The following XAB2 variants were observed in gnomAD, a reference collection of about 807,000 sequenced individuals.
The protein encoded by XAB2 is pre-mRNA-splicing factor SYF1.
Under a neutral mutation model 113.4 loss-of-function variants are expected in XAB2, and 57 were observed. The observed-to-expected ratio is 0.50, with a 90% confidence interval of 0.41 to 0.63. The LOEUF (loss-of-function observed/expected upper bound fraction) is 0.63. Ranked by LOEUF, XAB2 falls within the 20% of genes least tolerant of loss-of-function variation. XAB2 has a pLI of 0.00. For missense variants in XAB2, 1,037 were observed against 1,233.3 expected (o/e 0.84, Z 2.38); for synonymous variants, 497 against 498.8 (o/e 1.00, Z 0.05).
Position 7,629,514 on chromosome 19 carries a change from G to T in XAB2, c.14C>A (p.Ala5Glu), listed in dbSNP as rs781412220. 6.2e-7 allele frequency: 1 copy of T among 1,605,188 alleles called. No individual in the cohort carries two copies. Among genetic ancestry groups the T allele is most frequent in the Admixed American group, 1.7e-5 (1 of 58,956 alleles). The change falls in exon 1 of 19, where the codon GCG becomes GAG. Residue 5 changes from alanine (A) to glutamate (E), a missense_variant. Transcript: ENST00000358368. ...CGGCCGCTCGGGCCGCGAGAGTCGC[G>T]CCATCACCACCATTTTTCTGGATGC... MVVM[A>E]RLSRPERPDL...
At position 7,628,606 on chromosome 19, in the gene XAB2, A is replaced by G. The variant is rs1425811770; in HGVS notation, c.52-308T>C. ...CACTCGCTTTCTGCCCCAGATGGTC[A>G]GACTCCTTAGATACCAAGGCCCTGG... On this transcript the variant is annotated intron_variant, in intron 1 of 18. Transcript: ENST00000358368. This position sits in a 1 kb window ranked among gnomAD's most constrained non-coding sequence, Gnocchi z 4.6. Among the ~76,000 whole-genome samples the G allele has an allele frequency of 6.6e-6, 1 of 152,092 alleles. No individual in the cohort carries two copies. The highest frequency in any genetic ancestry group is 1.5e-5 in the Non-Finnish European group (1 of 68,028).
At chr19:7,619,901 T>C (rs758439039) in intron 17 of XAB2, 45 bp from the exon 18 acceptor site, 5 of 1,609,522 alleles carry the variant, frequency 3.1e-6, no homozygotes, top group East Asian at 2.2e-5. Flanking sequence ...CCGGGCCCCC[T>C]TGGGACCTGT....
In XAB2 at chr19:7,627,628, C is replaced by T. The variant is rs1438353186; in HGVS notation, c.324+100G>A. On this transcript the variant is annotated intron_variant, in intron 3 of 18. Transcript: ENST00000358368. This position sits in a 1 kb window ranked among gnomAD's most constrained non-coding sequence, Gnocchi z 4.5. ...GCAAAGAAGCAACAGGAATCCAAGC[C>T]CCCATCCCTAACATGCTGAGCCCAG... 2 of 1,563,752 alleles carry T rather than the reference C, an allele frequency of 1.3e-6. No homozygotes were observed. Among genetic ancestry groups the T allele is most frequent in the Admixed American group, 3.5e-5 (2 of 57,204 alleles).
In XAB2 at chr19:7,628,439, T is replaced by G; in HGVS notation, c.52-141A>C. On this transcript the variant is annotated intron_variant, in intron 1 of 18. Transcript: ENST00000358368. The surrounding 1 kb of genome is among the most constrained non-coding windows in gnomAD (Gnocchi z 4.6). ...CCACCAAGGAAGTCAGGTCACCAGA[T>G]GCCCAGGCACCAAACCAGATGCCCG... The G allele has an allele frequency of 9.8e-7, 1 of 1,017,276 alleles. No homozygotes were observed. Among genetic ancestry groups the G allele is most frequent in the Non-Finnish European group, 1.4e-6 (1 of 699,626 alleles). 63.0% of individuals were successfully genotyped at this position (1,017,276 alleles called of 1,614,324 possible).
Position 7,624,502 on chromosome 19 carries a change from AGCACTC to A in XAB2, c.823-63_823-58del. On this transcript the variant is annotated intron_variant, in intron 6 of 18. Coordinates refer to ENST00000358368, the MANE Select transcript of XAB2 (RefSeq NM_020196.3). The surrounding 1 kb of genome is among the most constrained non-coding windows in gnomAD (Gnocchi z 4.2). ...GAAAGTGGCGCAGGGGACAGGCAGCAGCACTCTTAGCACCAGCCTCAATGTGGAACC... is the reference window on the plus strand; with the variant it reads ...GAAAGTGGCGCAGGGGACAGGCAGCATTAGCACCAGCCTCAATGTGGAACC... 1.2e-6 allele frequency: 2 copies of A among 1,608,614 alleles called. No individual in the cohort carries two copies. Among genetic ancestry groups the A allele is most frequent in the Non-Finnish European group, 1.7e-6 (2 of 1,178,966 alleles).
chr19:7,620,678 C>G lies in XAB2; in HGVS notation c.1972-9G>C, dbSNP rs376277782. The G allele has an allele frequency of 4.3e-6, 7 of 1,612,202 alleles. No homozygotes were observed. Among genetic ancestry groups the G allele is most frequent in the East Asian group, 2.2e-5 (1 of 44,862 alleles). ...TGCTCGTCCGACAGCACCTGGACACCGGGGTTGGGGAGGCCGGGAGTGAGG... is the reference window on the plus strand; with the variant it reads ...TGCTCGTCCGACAGCACCTGGACACGGGGGTTGGGGAGGCCGGGAGTGAGG... On this transcript the variant is annotated splice_polypyrimidine_tract_variant and intron_variant, in intron 14 of 18. Transcript: ENST00000358368.
At position 7,627,710 on chromosome 19, in the gene XAB2, C is replaced by A. The variant is rs984130345; in HGVS notation, c.324+18G>T. 19 of 1,613,238 alleles carry A rather than the reference C, an allele frequency of 1.2e-5. No individual in the cohort carries two copies. The highest frequency in any genetic ancestry group is 1.4e-5 in the Non-Finnish European group (16 of 1,179,592). The stretch of plus-strand genomic sequence containing the variant: ...CTGAGCTCCACTTCCCGATTCATCC[C>A]CTCGCCGAGCCCCAAACCTTGTGCA... On this transcript the variant is annotated intron_variant, in intron 3 of 18. Transcript: ENST00000358368. This position sits in a 1 kb window ranked among gnomAD's most constrained non-coding sequence, Gnocchi z 4.5.
In XAB2 at chr19:7,627,791, C is replaced by A. The variant is rs774111138; in HGVS notation, c.261G>T (p.Val87=). The stretch of plus-strand genomic sequence containing the variant: ...TGACATCTTCATAGGCAGGGTCGGT[C>A]ACACAGCGATGCTTCACCTGTGCCC... ...ARRAQVKHRC[V]TDPAYEDVNN... The change falls in exon 3 of 19, where the codon GTG becomes GTT. Residue 87 remains valine (V), a synonymous_variant. Coordinates refer to ENST00000358368, the MANE Select transcript of XAB2 (RefSeq NM_020196.3). The surrounding 1 kb of genome is among the most constrained non-coding windows in gnomAD (Gnocchi z 4.5). 1 of 1,613,920 alleles carries A rather than the reference C, an allele frequency of 6.2e-7. No homozygotes were observed. The highest frequency in any genetic ancestry group is 1.1e-5 in the South Asian group (1 of 91,056).
In XAB2 at chr19:7,622,486, G is replaced by C. The variant is rs2031054510; in HGVS notation, c.1504-42C>G. On this transcript the variant is annotated intron_variant, in intron 11 of 18. Transcript: ENST00000358368. ...GGGAAAGGTTGGAGCTGGTTCTGGA[G>C]CTGAGTCCGGGGCCCCGTCCCTCCC... 5 of 1,613,850 alleles carry C rather than the reference G, an allele frequency of 3.1e-6. No individual in the cohort carries two copies. In the East Asian group the frequency reaches 1.1e-4, roughly 36 times the overall value.
At position 7,625,268 on chromosome 19, in the gene XAB2, T is replaced by C. The variant is rs112941769; in HGVS notation, c.822+612A>G. Among the ~76,000 whole-genome samples, 3 of 152,150 alleles carry C rather than the reference T, an allele frequency of 2.0e-5. No homozygotes were observed. Among genetic ancestry groups the C allele is most frequent in the African/African-American group, 7.2e-5 (3 of 41,442 alleles). On this transcript the variant is annotated intron_variant, in intron 6 of 18. Transcript: ENST00000358368. The surrounding 1 kb of genome is among the most constrained non-coding windows in gnomAD (Gnocchi z 5.2). ...TGCTGTGCCTGCGTCACTGAGCTGATTGGTGACAGGCAGTAACTGTCACCC... is the reference window on the plus strand; with the variant it reads ...TGCTGTGCCTGCGTCACTGAGCTGACTGGTGACAGGCAGTAACTGTCACCC...
intron 10 of XAB2, 25 bp downstream of exon 10, chr19:7,622,737 C>G: frequency 6.2e-7 from 1 of 1,613,522 alleles, no homozygotes; most frequent in Non-Finnish European, 8.5e-7. Flanking sequence ...GCAGCCCCCA[C>G]CCCACAGCCT....
Position 7,619,878 on chromosome 19 carries a change from T to TCAGTTCCCCA in XAB2, c.2397-32_2397-23dup, listed in dbSNP as rs765810383. 29 of 1,610,686 alleles carry TCAGTTCCCCA rather than the reference T, an allele frequency of 1.8e-5. No homozygotes were observed. In the South Asian group the frequency reaches 3.2e-4, roughly 18 times the overall value. Reference sequence around the variant, plus strand: ...ACTCCTAGGGACGGGCCATGCTGCCTCAGTTCCCCACCCCGGGCCCCCTTG... The same window carrying TCAGTTCCCCA: ...ACTCCTAGGGACGGGCCATGCTGCCTCAGTTCCCCACAGTTCCCCACCCCGGGCCCCCTTG... On this transcript the variant is annotated intron_variant, in intron 17 of 18. Transcript: ENST00000358368.
Position 7,627,922 on chromosome 19 carries a change from C to A in XAB2, c.201-71G>T, listed in dbSNP as rs1319643437. The A allele has an allele frequency of 3.2e-6, 5 of 1,570,422 alleles. No individual in the cohort carries two copies. The East Asian group carries it at 9.0e-5, about 28-fold the overall frequency. ...CACCCCCAGAACCATTTGCCCTGCC[C>A]CAGTTGGCAAATGTGGGAAGAAGGG... On this transcript the variant is annotated intron_variant, in intron 2 of 18. Coordinates refer to ENST00000358368, the MANE Select transcript of XAB2 (RefSeq NM_020196.3). This position sits in a 1 kb window ranked among gnomAD's most constrained non-coding sequence, Gnocchi z 4.5.
At chr19:7,621,367 G>T in intron 12 of XAB2, 70 bp from the exon 13 acceptor site, 2 of 1,574,530 alleles carry the variant, frequency 1.3e-6, no homozygotes, top group Non-Finnish European at 1.7e-6. Flanking sequence ...GGATGTCCTT[G>T]GGTGGCGTCT....
chr19:7,622,783 A>G lies in XAB2; in HGVS notation c.1350T>C (p.Asp450=). Residue 450 remains aspartate, a synonymous_variant, in exon 10 of 19, where the codon GAT becomes GAC. Coordinates refer to ENST00000358368, the MANE Select transcript of XAB2 (RefSeq NM_020196.3). ...GELELRHENY[D]EALRLLRKAT... ...TCACTCGCAGCAGCCGCAAGGCCTC[A>G]TCGTAGTTCTCGTGTCGGAGCTCCA... The G allele has an allele frequency of 1.9e-6, 3 of 1,614,106 alleles. No individual in the cohort carries two copies. The highest frequency in any genetic ancestry group is 2.5e-6 in the Non-Finnish European group (3 of 1,180,032).
rs4134853 is a variant in XAB2, at chr19:7,622,542, G to A, written c.1491C>T (p.Leu497=). The part of the protein sequence containing the change: ...WSMLADLEES[L]GTFQSTKAVY... ...ACAGGCAGCTCACCTGGAAGGTGCC[G>A]AGGCTCTCCTCCAGGTCGGCGAGCA... The change falls in exon 11 of 19, where the codon CTC becomes CTT. Residue 497 remains leucine (L), a synonymous_variant. Coordinates refer to ENST00000358368, the MANE Select transcript of XAB2 (RefSeq NM_020196.3). 0.011 allele frequency: 18,288 copies of A among 1,613,734 alleles called. 916 individuals are homozygous for A. The Admixed American group carries it at 0.15, about 13-fold the overall frequency.
chr19:7,623,360 C>T lies in XAB2; in HGVS notation c.1120-71G>A. 6.3e-7 allele frequency: 1 copy of T among 1,585,432 alleles called. No homozygotes were observed. Among genetic ancestry groups the T allele is most frequent in the Admixed American group, 1.7e-5 (1 of 59,236 alleles). Reference sequence around the variant, plus strand: ...GATGACGGTCGGGGCAGAGCTGTGGCTCTGAGGGGTGGGGCCTGGAGGGTG... The same window carrying T: ...GATGACGGTCGGGGCAGAGCTGTGGTTCTGAGGGGTGGGGCCTGGAGGGTG... On this transcript the variant is annotated intron_variant, in intron 8 of 18. Coordinates refer to ENST00000358368, the MANE Select transcript of XAB2 (RefSeq NM_020196.3). This position sits in a 1 kb window ranked among gnomAD's most constrained non-coding sequence, Gnocchi z 4.6.
chr19:7,623,855 G>T lies in XAB2; in HGVS notation c.995C>A (p.Ala332Asp). ...CCGGCTGATGAGCTGCTCGAAGCGG[G>T]CCAGGCGCAGCTCCAGGTCCACATC... ...EDDVDLELRLARFEQLISRRP... is the reference protein window; with the variant it reads ...EDDVDLELRLDRFEQLISRRP... Residue 332 changes from alanine to aspartate, a missense_variant, in exon 8 of 19, where the codon GCC becomes GAC. Coordinates refer to ENST00000358368, the MANE Select transcript of XAB2 (RefSeq NM_020196.3). The surrounding 1 kb of genome is among the most constrained non-coding windows in gnomAD (Gnocchi z 4.6). The T allele has an allele frequency of 6.3e-7, 1 of 1,599,428 alleles. No homozygotes were observed.
intron 10 of XAB2, 46 bp downstream of exon 10, chr19:7,622,716 C>T (rs767939014): frequency 1.9e-6 from 3 of 1,612,826 alleles, no homozygotes; most frequent in Non-Finnish European, 2.5e-6. Flanking sequence ...CTGGCCCTTG[C>T]CCTACAACCT....
Sources: gnomAD v4.1 joint callset for allele counts (sites outside exome capture counted in the v4.1 genomes callset) on GRCh38, gnomAD v4.1.1 for gene constraint, Gnocchi (gnomAD v3.1) non-coding constraint, MANE v1.5 for transcripts, NCBI Gene and HGNC (gene_info 2026-07-23, HGNC 2026-07-21) for gene names.